DENND4A: variants seen among roughly 807,000 people sequenced by gnomAD.
The protein encoded by DENND4A is DENN domain containing 4A.
In DENND4A, 70 loss-of-function variants were observed where a neutral mutation model predicts 199.3. That is an observed-to-expected ratio of 0.35 (90% CI 0.29 to 0.43). The LOEUF is 0.43. Ranked by LOEUF, DENND4A falls within the 20% of genes least tolerant of loss-of-function variation. The pLI is 1.00. For missense variants in DENND4A, 1,723 were observed against 2,255.8 expected (o/e 0.76, Z 4.78); for synonymous variants, 686 against 766.9 (o/e 0.89, Z 1.74).
At chr15:65,685,768 C>A (rs1162644550) in intron 23 of DENND4A, among the ~76,000 whole-genome samples, 1 of 152,172 alleles carries the variant, frequency 6.6e-6, no homozygotes, top group Non-Finnish European at 1.5e-5. Context: ...ATCTCAGCAC[C>A]ATTTTTTGAC....
chr15:65,786,830 T>C (rs1236266004), intron 1 of DENND4A, among the ~76,000 whole-genome samples: 1 of 152,150 alleles, frequency 6.6e-6, no homozygotes, highest in Non-Finnish European at 1.5e-5. Flanking sequence ...ATTGCTCATA[T>C]ATATAGTTTA....
intron 7 of DENND4A, among the ~76,000 whole-genome samples, chr15:65,733,260 T>C (rs2076013887): frequency 1.3e-5 from 2 of 152,176 alleles, no homozygotes; most frequent in South Asian, 4.1e-4. Flanking sequence ...TTTCTATTAA[T>C]AATACGTTAA....
intron 11 of DENND4A, among the ~76,000 whole-genome samples, chr15:65,725,482 C>T (rs2075774172): frequency 6.6e-6 from 1 of 152,060 alleles, no homozygotes; most frequent in African/African-American, 2.4e-5. Context: ...GGAGACCATC[C>T]TGGCTAATGC....
chr15:65,664,988 C>T (rs2075988273), intron 30 of DENND4A: 2 of 461,296 alleles, frequency 4.3e-6, no homozygotes, highest in Non-Finnish European at 7.5e-6. Context: ...AATTCTAAAT[C>T]AGCAGCCTGG....
intron 32 of DENND4A, among the ~76,000 whole-genome samples, chr15:65,663,196 A>AT (rs1366096279): frequency 0.012 from 1,454 of 117,002 alleles, 18 homozygotes; most frequent in South Asian, 0.038. Flanking sequence ...ATATATATAT[A>AT]TATTTTTTTT....
chr15:65,685,948 A>G (rs1487213876), intron 23 of DENND4A, among the ~76,000 whole-genome samples: 1 of 152,224 alleles, frequency 6.6e-6, no homozygotes, highest in Non-Finnish European at 1.5e-5. Flanking sequence ...AAATTTTGAA[A>G]TTGGGAAGTG....
At position 65,697,296 on chromosome 15, in the gene DENND4A, T is replaced by C. The variant is rs375614563; in HGVS notation, c.2921A>G (p.Lys974Arg). The change falls in exon 21 of 33, where the codon AAA becomes AGA. Residue 974 changes from lysine to arginine, a missense_variant. Around this residue, in one of 6 missense-constraint regions of DENND4A, gnomAD observed 650 missense variants for 738.1 expected, o/e 0.88. Transcript: ENST00000443035. ...ACTACAATCACTCCCTTTTTTATCTTTTTCTTCTTGAATGTCTTCAGTAGA... is the reference window on the plus strand; with the variant it reads ...ACTACAATCACTCCCTTTTTTATCTCTTTCTTCTTGAATGTCTTCAGTAGA... The part of the protein sequence containing the change: ...DTSTEDIQEE[K>R]DKKGSDCSSL... 1.9e-6 allele frequency: 3 copies of C among 1,600,510 alleles called. No individual in the cohort carries two copies. Among genetic ancestry groups the C allele is most frequent in the African/African-American group, 2.7e-5 (2 of 74,402 alleles).
In DENND4A at chr15:65,752,400, G is replaced by A. The variant is rs1422866272; in HGVS notation, c.540C>T (p.Asp180=). 11 of 1,513,472 alleles carry A rather than the reference G, an allele frequency of 7.3e-6. No individual in the cohort carries two copies. The highest frequency in any genetic ancestry group is 3.6e-4 in the Middle Eastern group (2 of 5,600). 93.8% of individuals were successfully genotyped at this position (1,513,472 alleles called of 1,614,324 possible). ...TTACCATACTGTTATTGAGATTCTT[G>A]TCGACTTTGCAGAACGTGTGTGGTG... ...ESPPHTFCKV[D]KNLNNSMWGS... is the part of the protein sequence containing the mutation. Residue 180 remains aspartate (D), a synonymous_variant, in exon 4 of 33, where the codon GAC becomes GAT. Transcript: ENST00000443035.
chr15:65,712,029 A>T (rs1459103771), intron 14 of DENND4A, among the ~76,000 whole-genome samples: 1 of 152,240 alleles, frequency 6.6e-6, no homozygotes, highest in East Asian at 1.9e-4. Flanking sequence ...GCTAATCACC[A>T]TTTATAACAG....
At chr15:65,731,742 G>T in intron 8 of DENND4A, 42 bp from the exon 9 acceptor site, 3 of 1,409,912 alleles carry the variant, frequency 2.1e-6, no homozygotes, top group South Asian at 2.6e-5. Flanking sequence ...ACATAAAGAT[G>T]AACTTTAAAA....
intron 23 of DENND4A, among the ~76,000 whole-genome samples, chr15:65,685,540 G>A (rs993253061): frequency 9.2e-5 from 14 of 152,176 alleles, no homozygotes; most frequent in Non-Finnish European, 1.8e-4. Flanking sequence ...TCCACAGGGG[G>A]TTGGTATTTG....
chr15:65,777,570 C>T (rs548672854), intron 1 of DENND4A, among the ~76,000 whole-genome samples: 1 of 152,188 alleles, frequency 6.6e-6, no homozygotes, highest in East Asian at 1.9e-4. Flanking sequence ...CCAGGCTGGC[C>T]TCGAACTGCT....
intron 20 of DENND4A, 100 bp downstream of exon 20, chr15:65,700,444 A>G: frequency 1.7e-6 from 1 of 591,488 alleles, no homozygotes; most frequent in Non-Finnish European, 2.5e-6. Flanking sequence ...AAAAAGTGAC[A>G]GTTAAACATC....
At chr15:65,697,844 T>G (rs1227673190) in intron 20 of DENND4A, among the ~76,000 whole-genome samples, 1 of 152,238 alleles carries the variant, frequency 6.6e-6, no homozygotes, top group African/African-American at 2.4e-5. Flanking sequence ...TTTCTTCAAA[T>G]TTATTGATGG....
chr15:65,750,509 A>C (rs900289061), intron 4 of DENND4A, among the ~76,000 whole-genome samples: 1 of 152,160 alleles, frequency 6.6e-6, no homozygotes, highest in African/African-American at 2.4e-5. Context: ...AAGAAAAAGG[A>C]AATACAAAAA....
chr15:65,788,797 G>C (rs1365894904), intron 1 of DENND4A, among the ~76,000 whole-genome samples: 2 of 145,578 alleles, frequency 1.4e-5, no homozygotes. Flanking sequence ...GGAGGTTGCA[G>C]TGAGCTAAGA....
chr15:65,729,188 T>C lies in DENND4A; in HGVS notation c.1371A>G (p.Ala457=). 1 of 1,588,910 alleles carries C rather than the reference T, an allele frequency of 6.3e-7. No individual in the cohort carries two copies. Among genetic ancestry groups the C allele is most frequent in the South Asian group, 1.2e-5 (1 of 86,956 alleles). The change falls in exon 11 of 33, where the codon GCA becomes GCG. Residue 457 remains alanine (A), a synonymous_variant. Transcript: ENST00000443035. ...ATGGACATGGTGCACTCAAGACATC[T>C]GCTAAAGCCAGTGGGCAGAGAGGAA... The part of the protein sequence containing the change: ...PYVPLCPLAL[A]DVLSAPCPFI...
chr15:65,665,707 A>AACTCATCTT (rs1299162101), intron 29 of DENND4A, among the ~76,000 whole-genome samples: 1 of 152,210 alleles, frequency 6.6e-6, no homozygotes, highest in Non-Finnish European at 1.5e-5. Context: ...TACCAAGAAG[A>AACTCATCTT]ACTCATCTTG....
intron 1 of DENND4A, chr15:65,772,041 G>A: frequency 1.5e-6 from 2 of 1,333,804 alleles, no homozygotes; most frequent in Admixed American, 1.8e-5. Flanking sequence ...GAGCTTCTCG[G>A]CCTTCTGCAG....
Sources: allele counts gnomAD v4.1 joint callset (sites outside exome capture counted in the v4.1 genomes callset), GRCh38; gene constraint gnomAD v4.1.1; regional missense constraint gnomAD v4.1.1; transcripts MANE v1.5; gene names NCBI Gene and HGNC (gene_info 2026-07-23, HGNC 2026-07-21).